The following SENP5 variants were observed in gnomAD, a reference collection of about 807,000 sequenced individuals.
SENP5 encodes the protein sentrin-specific protease 5.
In SENP5, 21 loss-of-function variants were observed where a neutral mutation model predicts 74.2. That is an observed-to-expected ratio of 0.28 (90% CI 0.20 to 0.41). The LOEUF (loss-of-function observed/expected upper bound fraction) is 0.41. Ranked by LOEUF, SENP5 falls within the 10% of genes least tolerant of loss-of-function variation. SENP5 has a pLI of 1.00. For synonymous variants in SENP5, 311 were observed against 312.7 expected (o/e 0.99, Z 0.06); for missense variants, 717 against 889.1 (o/e 0.81, Z 2.46).
intron 1 of SENP5, among the ~76,000 whole-genome samples, chr3:196,882,386 C>T (rs1713765776): frequency 6.6e-6 from 1 of 152,104 alleles, no homozygotes; most frequent in Non-Finnish European, 1.5e-5. Flanking sequence ...CAATAACTCC[C>T]TTTTCTCCCC....
chr3:196,898,556 C>A (rs1714550081), intron 2 of SENP5, among the ~76,000 whole-genome samples: 1 of 151,842 alleles, frequency 6.6e-6, no homozygotes, highest in Non-Finnish European at 1.5e-5. Context: ...GATTGTGTTA[C>A]TATGCCCCAG....
chr3:196,892,110 G>GA lies in SENP5; in HGVS notation c.1513+5426dup, dbSNP rs202081408. On this transcript the variant is annotated intron_variant, in intron 2 of 9. Coordinates refer to ENST00000323460, the MANE Select transcript of SENP5 (RefSeq NM_152699.5). The stretch of plus-strand genomic sequence containing the variant: ...CGGCCGACCTTGACTCTTAAAAAAA[G>GA]AAAAAAAAAATACAGGAAATCATTC... Among the ~76,000 whole-genome samples, 405 of 144,308 alleles carry GA rather than the reference G, an allele frequency of 2.8e-3. 7 individuals carry two copies. The highest frequency in any genetic ancestry group is 0.019 in the Admixed American group (275 of 14,468). The allele number at this position is 144,308 out of a possible 152,430, so 94.7% of individuals were successfully genotyped here.
intron 1 of SENP5, among the ~76,000 whole-genome samples, chr3:196,880,127 G>A (rs1388702670): frequency 1.3e-5 from 2 of 152,006 alleles, no homozygotes; most frequent in Non-Finnish European, 2.9e-5. Flanking sequence ...TGTATTTTTG[G>A]TAGAGACAGG....
At chr3:196,915,669 G>A (rs1365477543) in intron 6 of SENP5, among the ~76,000 whole-genome samples, 2 of 152,172 alleles carry the variant, frequency 1.3e-5, no homozygotes, top group African/African-American at 2.4e-5. Flanking sequence ...GGGAGTGCTT[G>A]CACCACCCCT....
chr3:196,879,034 T>G (rs1713604488), intron 1 of SENP5, among the ~76,000 whole-genome samples: 1 of 152,224 alleles, frequency 6.6e-6, no homozygotes, highest in Non-Finnish European at 1.5e-5. Context: ...AAGATACCAC[T>G]GTATCTTCCC....
intron 2 of SENP5, among the ~76,000 whole-genome samples, chr3:196,898,089 A>G (rs1227459057): frequency 6.6e-6 from 1 of 151,050 alleles, no homozygotes; most frequent in African/African-American, 2.4e-5. Context: ...GAGGTAGGAG[A>G]ATCACTTGAA....
intron 6 of SENP5, among the ~76,000 whole-genome samples, chr3:196,919,815 C>T (rs1340206826): frequency 6.6e-6 from 1 of 151,410 alleles, no homozygotes; most frequent in Non-Finnish European, 1.5e-5. Context: ...AGGGAGGGAT[C>T]AAGATTTTTT....
chr3:196,923,532 A>G lies in SENP5; in HGVS notation c.2003A>G (p.His668Arg). 5 of 1,607,462 alleles carry G rather than the reference A, an allele frequency of 3.1e-6. No individual in the cohort carries two copies. The highest frequency in any genetic ancestry group is 4.2e-6 in the Non-Finnish European group (5 of 1,176,538). ...TCATTTTATGATTCCCAAGGCATTC[A>G]TTTTAAGTTTTGTGTAGAGGTAAGT... ...IISFYDSQGI[H>R]FKFCVENIRK... The change falls in exon 7 of 10, where the codon CAT becomes CGT. Residue 668 changes from histidine (H) to arginine (R), a missense_variant. Coordinates refer to ENST00000323460, the MANE Select transcript of SENP5 (RefSeq NM_152699.5).
At chr3:196,869,653 G>T (rs1490932967) in intron 1 of SENP5, among the ~76,000 whole-genome samples, 1 of 148,538 alleles carries the variant, frequency 6.7e-6, no homozygotes, top group African/African-American at 2.5e-5. Context: ...CCAGCTACTC[G>T]GAAGGCTGAG....
intron 2 of SENP5, among the ~76,000 whole-genome samples, chr3:196,891,197 C>T (rs1345383415): frequency 6.6e-6 from 1 of 152,156 alleles, no homozygotes; most frequent in African/African-American, 2.4e-5. Flanking sequence ...CACAAAAGGC[C>T]TTATAACATA....
chr3:196,892,410 G>C (rs1419586371), intron 2 of SENP5, among the ~76,000 whole-genome samples: 1 of 152,190 alleles, frequency 6.6e-6, no homozygotes, highest in East Asian at 1.9e-4. Flanking sequence ...GCCTCCCAAA[G>C]TGCTGGGATT....
intron 9 of SENP5, 97 bp downstream of exon 9, chr3:196,929,780 C>CTCGTACCTAGCATCATA: frequency 1.2e-6 from 1 of 817,538 alleles, no homozygotes; most frequent in Non-Finnish European, 2.1e-6. Flanking sequence ...GTATATGATG[C>CTCGTACCTAGCATCATA]TAGGTACGAG....
intron 7 of SENP5, 82 bp from the exon 8 acceptor site, chr3:196,927,714 T>G (rs984940231): frequency 6.5e-6 from 5 of 764,402 alleles, no homozygotes; most frequent in Non-Finnish European, 4.5e-6. Context: ...CCTCCTCCTT[T>G]CCTTCTGTCT....
chr3:196,873,363 G>A (rs112238645), intron 1 of SENP5, among the ~76,000 whole-genome samples: 6,812 of 151,478 alleles, frequency 0.045, 204 homozygotes, highest in Non-Finnish European at 0.067. Flanking sequence ...GTGAGCCACC[G>A]CGCCCGGCCC....
intron 8 of SENP5, 109 bp from the exon 9 acceptor site, chr3:196,929,524 G>C (rs1295885745): frequency 1.5e-6 from 1 of 655,876 alleles, no homozygotes; most frequent in Non-Finnish European, 2.7e-6. Context: ...AGCTGTCCTG[G>C]AGAGAGAAAA....
At chr3:196,872,661 A>G (rs1713267574) in intron 1 of SENP5, among the ~76,000 whole-genome samples, 1 of 152,130 alleles carries the variant, frequency 6.6e-6, no homozygotes, top group Non-Finnish European at 1.5e-5. Flanking sequence ...GCGGAGCTGC[A>G]CTATCCAGTG....
intron 6 of SENP5, among the ~76,000 whole-genome samples, chr3:196,908,409 A>G (rs1053767899): frequency 1.3e-5 from 2 of 152,240 alleles, no homozygotes; most frequent in African/African-American, 2.4e-5. Context: ...CAGAGAGACA[A>G]TGTACCAGAA....
Position 196,924,328 on chromosome 3 carries a change from T to C in SENP5, c.2022+777T>C, listed in dbSNP as rs73891576. ...ACAAGCAACAGACTTGGAGAAAATA[T>C]GTATGATGCAAATAACAGACAATAA... On this transcript the variant is annotated intron_variant, in intron 7 of 9. Transcript: ENST00000323460. Among the ~76,000 whole-genome samples the C allele has an allele frequency of 7.1e-3, 1,077 of 152,274 alleles. 8 individuals are homozygous for C. Among genetic ancestry groups the C allele is most frequent in the African/African-American group, 0.025 (1,021 of 41,548 alleles).
At chr3:196,872,553 C>G (rs1483312775) in intron 1 of SENP5, among the ~76,000 whole-genome samples, 1 of 152,154 alleles carries the variant, frequency 6.6e-6, no homozygotes, top group Non-Finnish European at 1.5e-5. Flanking sequence ...TCATTCTCAA[C>G]TGGACCAGTT....
Sources: allele counts gnomAD v4.1 joint callset (sites outside exome capture counted in the v4.1 genomes callset), GRCh38; gene constraint gnomAD v4.1.1; transcripts MANE v1.5; gene names NCBI Gene and HGNC (gene_info 2026-07-23, HGNC 2026-07-21).